The following CPLANE1 variants were observed in gnomAD, a reference collection of about 807,000 sequenced individuals.
CPLANE1 encodes ciliogenesis and planar polarity effector 1.
In CPLANE1, 263 loss-of-function variants were observed where a neutral mutation model predicts 362.5. That is an observed-to-expected ratio of 0.73 (90% CI 0.66 to 0.80). CPLANE1 has a LOEUF of 0.80. CPLANE1 is among the 30% of genes least tolerant of loss of function. The pLI, the probability that CPLANE1 is intolerant of heterozygous loss-of-function variation, is 0.00. For synonymous variants in CPLANE1, 1,212 were observed against 1,302.6 expected, an observed-to-expected ratio of 0.93 and a Z score of 1.50; for missense variants, 3,461 against 3,793.4, an observed-to-expected ratio of 0.91 and a Z score of 2.30.
intron 9 of CPLANE1, among the ~76,000 whole-genome samples, chr5:37,229,539 A>AAAATAAATAAATAAAT (rs374996232): frequency 3.1e-4 from 47 of 151,154 alleles, no homozygotes; most frequent in African/African-American, 6.6e-4. Flanking sequence ...ACTCTGTCTC[A>AAAATAAATAAATAAAT]AAATAAATAA....
rs1355023938 is a variant in CPLANE1, at chr5:37,169,372, T to G, written c.6652A>C (p.Thr2218Pro). 1 of 1,614,046 alleles carries G rather than the reference T, an allele frequency of 6.2e-7. No homozygotes were observed. Among genetic ancestry groups the G allele is most frequent in the Non-Finnish European group, 8.5e-7 (1 of 1,180,018 alleles). Residue 2218 changes from threonine to proline, a missense_variant, in exon 34 of 53, where the codon ACA (threonine) becomes CCA (proline). This residue lies in a region of CPLANE1 where 3,380 missense variants were observed against 3,666.1 expected (regional missense o/e 0.92). Transcript: ENST00000651892. ...KAPRLIPHAK[T>P]FSPGDGFPLL... ...GGAAAGCCATCACCAGGACTAAATG[T>G]TTTTGCATGTGGGATAAGTCTAGGT...
chr5:37,093,668 A>G, the CPLANE1 span, among the ~76,000 whole-genome samples: 2 of 152,224 alleles, frequency 1.3e-5, no homozygotes, highest in Non-Finnish European at 2.9e-5. Flanking sequence ...CAAAGCCAGA[A>G]TAAGAGCAAT....
chr5:37,177,569 G>T, intron 30 of CPLANE1, 52 bp downstream of exon 30: 1 of 1,313,636 alleles, frequency 7.6e-7, no homozygotes, highest in Non-Finnish European at 1.1e-6. Flanking sequence ...AAAGCTGAAA[G>T]CTTCACTGAG....
chr5:37,206,677 CAG>C (rs993533035), intron 16 of CPLANE1, among the ~76,000 whole-genome samples: 5 of 151,696 alleles, frequency 3.3e-5, no homozygotes, highest in African/African-American at 1.2e-4. Flanking sequence ...AAAAACAAAA[CAG>C]AATAGAAAGT....
intron 37 of CPLANE1, among the ~76,000 whole-genome samples, chr5:37,164,050 CT>C (rs1777593563): frequency 6.6e-6 from 1 of 152,132 alleles, no homozygotes; most frequent in Non-Finnish European, 1.5e-5. Flanking sequence ...ACTGCGTATC[CT>C]TTATAATAAA....
intron 44 of CPLANE1, chr5:37,141,833 T>C: frequency 1.1e-6 from 1 of 945,670 alleles, no homozygotes. Context: ...TAAATCCTTC[T>C]AAATCTCAAT....
rs911354851 is a variant in CPLANE1 at position 37,147,943 on chromosome 5, T to C, written c.8461+238A>G. Among the ~76,000 whole-genome samples, 9 of 77,692 alleles carry C rather than the reference T, an allele frequency of 1.2e-4. No homozygotes were observed. In the East Asian group the frequency reaches 1.9e-3, roughly 16 times the overall value. The allele number at this position is 77,692 out of a possible 152,430, so 51.0% of individuals were successfully genotyped here. On this transcript the variant is annotated intron_variant, in intron 43 of 52. Transcript: ENST00000651892. Reference sequence around the variant, plus strand: ...AGGCCACACTTGCCCCATCCTAGTATAAAATCCAGAGGAGGTTACTGCCTT... The same window carrying C: ...AGGCCACACTTGCCCCATCCTAGTACAAAATCCAGAGGAGGTTACTGCCTT...
chr5:37,122,588 G>A (rs376997400), intron 47 of CPLANE1, 100 bp from the exon 48 acceptor site: 14 of 857,170 alleles, frequency 1.6e-5, no homozygotes, highest in African/African-American at 1.6e-4. Flanking sequence ...AAACACTGTC[G>A]TGTTTGATGA....
chr5:37,088,360 C>T, the CPLANE1 span, among the ~76,000 whole-genome samples: 2 of 151,772 alleles, frequency 1.3e-5, no homozygotes, highest in Admixed American at 1.3e-4. Flanking sequence ...GGAACTGAGA[C>T]AAACAAAGCC....
Position 37,187,807 on chromosome 5 carries a change from G to A in CPLANE1, c.3847C>T (p.Leu1283=), listed in dbSNP as rs1360582823. 1 of 1,613,794 alleles carries A rather than the reference G, an allele frequency of 6.2e-7. No individual in the cohort carries two copies. The highest frequency in any genetic ancestry group is 8.5e-7 in the Non-Finnish European group (1 of 1,179,864). The change falls in exon 22 of 53, where the codon CTG becomes TTG. Residue 1283 remains leucine, a synonymous_variant. Coordinates refer to ENST00000651892, the MANE Select transcript of CPLANE1 (RefSeq NM_001384732.1). ...TAGGATAACTTATCACGGACATGCA[G>A]CATCCAACACAGAGCACAAAGTTCT... ...FRELCALCWM[L]HVRDKLSYSC... is the part of the protein sequence containing the mutation.
chr5:37,123,537 AC>A (rs1763252615), intron 47 of CPLANE1, among the ~76,000 whole-genome samples: 1 of 152,180 alleles, frequency 6.6e-6, no homozygotes, highest in Admixed American at 6.5e-5. Flanking sequence ...CAGTTCTTAA[AC>A]CCTTAGAGTT....
At chr5:37,144,101 C>G (rs954357537) in intron 43 of CPLANE1, among the ~76,000 whole-genome samples, 2 of 151,446 alleles carry the variant, frequency 1.3e-5, no homozygotes, top group Admixed American at 1.3e-4. Context: ...CATTCCTACT[C>G]CAATATAAGG....
intron 44 of CPLANE1, chr5:37,140,660 G>C: frequency 1.0e-6 from 1 of 985,410 alleles, no homozygotes; most frequent in Non-Finnish European, 1.2e-6. Context: ...CGACTGGGCT[G>C]CATATGGGGA....
At chr5:37,164,688 T>C (rs1777771597) in intron 36 of CPLANE1, among the ~76,000 whole-genome samples, 1 of 152,226 alleles carries the variant, frequency 6.6e-6, no homozygotes, top group South Asian at 2.1e-4. Context: ...AACATGCTCT[T>C]GAGGACTGAC....
At position 37,243,689 on chromosome 5, in the gene CPLANE1, T is replaced by C. The variant is rs907879750; in HGVS notation, c.571-570A>G. Among the ~76,000 whole-genome samples the C allele has an allele frequency of 2.0e-5, 3 of 147,086 alleles. No homozygotes were observed. In the Admixed American group the frequency reaches 2.1e-4, roughly 10 times the overall value. On this transcript the variant is annotated intron_variant, in intron 5 of 52. Coordinates refer to ENST00000651892, the MANE Select transcript of CPLANE1 (RefSeq NM_001384732.1). ...ATAAAAAATATATATACATATATAA[T>C]ATATAACATATAAAAATATAATATA...
chr5:37,105,617 T>G (rs1319199809), downstream of CPLANE1, among the ~76,000 whole-genome samples: 1 of 152,190 alleles, frequency 6.6e-6, no homozygotes, highest in Admixed American at 6.5e-5. Flanking sequence ...AGATTTTTTC[T>G]GAGTAAAACC....
At chr5:37,111,209 C>T (rs1053806291) in intron 51 of CPLANE1, among the ~76,000 whole-genome samples, 5 of 151,696 alleles carry the variant, frequency 3.3e-5, no homozygotes, top group African/African-American at 7.3e-5. Context: ...CAAGCTCCAC[C>T]TCCCGGGTTC....
At chr5:37,076,292 TG>T in the CPLANE1 span, among the ~76,000 whole-genome samples, 1 of 150,924 alleles carries the variant, frequency 6.6e-6, no homozygotes, top group Non-Finnish European at 1.5e-5. Context: ...AAATTTGGGC[TG>T]GGGGGAGCAA....
intron 18 of CPLANE1, among the ~76,000 whole-genome samples, chr5:37,204,423 A>C (rs191647684): frequency 1.9e-4 from 29 of 152,338 alleles, no homozygotes; most frequent in African/African-American, 6.7e-4. Context: ...TAAAACAGAT[A>C]AATTTTATAG....
Sources: gnomAD v4.1 joint callset for allele counts (sites outside exome capture counted in the v4.1 genomes callset) on GRCh38, gnomAD v4.1.1 for gene constraint, gnomAD v4.1.1 regional missense constraint, MANE v1.5 for transcripts, NCBI Gene and HGNC (gene_info 2026-07-23, HGNC 2026-07-21) for gene names.